The following FOXD4L1 variants were observed in gnomAD, a reference collection of about 807,000 sequenced individuals.
FOXD4L1 encodes the protein forkhead box D4 like 1, also known as forkhead box protein D4-like 1.
In FOXD4L1, 10 loss-of-function variants were observed where a neutral mutation model predicts 24.8. That is an observed-to-expected ratio of 0.40 (90% confidence interval 0.25 to 0.68). The LOEUF (loss-of-function observed/expected upper bound fraction) is 0.68, where lower values mean the gene tolerates loss of function less well. Among genes scored for constraint, FOXD4L1 ranks in the 30% least tolerant of loss-of-function variants. The pLI is 0.37. For synonymous variants in FOXD4L1, 159 were observed against 256.4 expected, an observed-to-expected ratio of 0.62 and a Z score of 3.63; for missense variants, 364 against 572.4, an observed-to-expected ratio of 0.64 and a Z score of 3.72.
At chr2:113,499,150 C>G (rs1682388300) in exon 1 of FOXD4L1, 1 of 1,584,598 alleles carries the variant, frequency 6.3e-7, no homozygotes, top group Non-Finnish European at 8.6e-7. Flanking sequence ...AGGGTAACCA[C>G]TAGCGTTCCT....
chr2:113,499,496 C>A, exon 1 of FOXD4L1: 1 of 1,595,542 alleles, frequency 6.3e-7, no homozygotes, highest in East Asian at 2.4e-5. Context: ...GCGGCCCGAG[C>A]GACCCCTCAG....
Position 113,500,375 on chromosome 2 carries a change from A to G in FOXD4L1, c.1119A>G (p.Gly373=), listed in dbSNP as rs746917408. The change falls in exon 1 of 1, where the codon GGA becomes GGG. Residue 373 remains glycine (G), a synonymous_variant. Coordinates refer to ENST00000306507, the Ensembl canonical transcript of FOXD4L1. ...TTGCAGCAACAGCAGCAGCATCAGG[A>G]GGAGGACTGCGCCAACGGCTGCGCT... 3.3e-6 allele frequency: 5 copies of G among 1,519,562 alleles called. No homozygotes were observed. In the South Asian group the frequency reaches 3.5e-5, roughly 11 times the overall value. The allele number at this position is 1,519,562 out of a possible 1,614,324, so 94.1% of individuals were successfully genotyped here. A position where few individuals can be genotyped will look rare whatever the true frequency, so the allele number is the denominator to read the frequency against.
chr2:113,500,536 T>C lies in FOXD4L1; in HGVS notation c.*53T>C. ...CGGAGAGGGGACCTCACCAGTTTTT[T>C]TAGTATCGCCCACGCCCAGTTCCCT... On this transcript the variant is annotated 3_prime_UTR_variant, in exon 1 of 1. Transcript: ENST00000306507. The C allele has an allele frequency of 1.3e-5, 19 of 1,508,462 alleles. 3 individuals are homozygous for C. The highest frequency in any genetic ancestry group is 1.6e-5 in the Non-Finnish European group (18 of 1,120,256). The allele number at this position is 1,508,462 out of a possible 1,614,324, so 93.4% of individuals were successfully genotyped here.
chr2:113,498,782 G>A lies in FOXD4L1; in HGVS notation c.-475G>A, dbSNP rs1213895468. The A allele has an allele frequency of 3.8e-6, 1 of 262,460 alleles. No homozygotes were observed. Among genetic ancestry groups the A allele is most frequent in the African/African-American group, 2.3e-5 (1 of 44,274 alleles). 16.3% of individuals were successfully genotyped at this position (262,460 alleles called of 1,614,324 possible). A position where few individuals can be genotyped will look rare whatever the true frequency, so the allele number is the denominator to read the frequency against. ...CATGTCGAGATGGTCGTAGAATGTT[G>A]AGTATCCTACTTTCCTACCTCGCTT... On this transcript the variant is annotated 5_prime_UTR_variant, in exon 1 of 1. The change abolishes the stop of an existing upstream ORF in the 5' untranslated region. Transcript: ENST00000306507.
exon 1 of FOXD4L1, chr2:113,500,972 C>A (rs1475955912): frequency 1.4e-5 from 3 of 217,792 alleles, no homozygotes; most frequent in Admixed American, 6.0e-5. Context: ...ATTCCTAAGT[C>A]TAGTGCAAAA....
chr2:113,499,612 C>G, exon 1 of FOXD4L1: 1 of 1,612,054 alleles, frequency 6.2e-7, no homozygotes. Context: ...ATCACCATGG[C>G]CATCCTGCAA....
At chr2:113,500,101 A>G in exon 1 of FOXD4L1, 1 of 1,571,050 alleles carries the variant, frequency 6.4e-7, no homozygotes, top group Non-Finnish European at 8.6e-7. Flanking sequence ...GGGGCACCGA[A>G]GAAAGCAGAA....
At position 113,499,566 on chromosome 2, in the gene FOXD4L1, C is replaced by T. The variant is rs1682398896; in HGVS notation, c.310C>T (p.Gln104Ter). The change falls in exon 1 of 1, where the codon CAG becomes TAG. Residue 104 changes from glutamine (Q) to a stop codon, truncating the protein, a stop_gained. Transcript: ENST00000306507. LOFTEE classifies it high-confidence loss of function. ...TGCGGCGGCCTCTGAAGATGCCCGG[C>T]AGCCGGCAAAGCCCCCCTACTCGTA... The T allele has an allele frequency of 6.2e-7, 1 of 1,609,172 alleles. No individual in the cohort carries two copies. Among genetic ancestry groups the T allele is most frequent in the South Asian group, 1.1e-5 (1 of 90,774 alleles).
At chr2:113,499,766 C>T (rs1255972610) in exon 1 of FOXD4L1, 3 of 1,546,452 alleles carry the variant, frequency 1.9e-6, no homozygotes, top group Non-Finnish European at 2.6e-6. Context: ...AGATCCCCCG[C>T]GAGCCGGGCC....
chr2:113,500,754 G>T, exon 1 of FOXD4L1: 1 of 841,640 alleles, frequency 1.2e-6, no homozygotes, highest in Non-Finnish European at 1.7e-6. Flanking sequence ...CCACCTGAAC[G>T]TAACCTTCGC....
chr2:113,500,857 G>A (rs1457021535), exon 1 of FOXD4L1: 3 of 444,036 alleles, frequency 6.8e-6, no homozygotes, highest in Admixed American at 4.8e-5. Context: ...CGTGAGTGGG[G>A]TATTTTGTTC....
exon 1 of FOXD4L1, chr2:113,499,583 C>T (rs1682399442): frequency 6.2e-7 from 1 of 1,610,282 alleles, no homozygotes; most frequent in Non-Finnish European, 8.5e-7. Flanking sequence ...CAAAGCCCCC[C>T]TACTCGTACA....
rs140577962 is a variant in FOXD4L1 at position 113,500,189 on chromosome 2, G to A, written c.933G>A (p.Lys311=). Residue 311 remains lysine, a synonymous_variant, in exon 1 of 1, where the codon AAG becomes AAA. Coordinates refer to ENST00000306507, the Ensembl canonical transcript of FOXD4L1. ...GTCCTCAGCCTTGGGAGGAGGGCAA[G>A]GGTCTGGCGTCGCCACCGGGAGGCG... The A allele has an allele frequency of 1.8e-3, 2,721 of 1,551,996 alleles. 300 individuals are homozygous for A. Among genetic ancestry groups the A allele is most frequent in the Non-Finnish European group, 2.2e-3 (2,509 of 1,152,044 alleles).
In FOXD4L1 at chr2:113,499,735, C is replaced by A. The variant is rs1440807198; in HGVS notation, c.479C>A (p.Ser160Ter). ...CAGAACAGCATCCGCCACAACCTCT[C>A]GCTGAACGACTGCTTCGTCAAGATC... The change falls in exon 1 of 1, where the codon TCG becomes TAG. Residue 160 changes from serine to a stop codon, truncating the protein, a stop_gained. Transcript: ENST00000306507. LOFTEE classifies it high-confidence loss of function. 2 of 1,605,828 alleles carry A rather than the reference C, an allele frequency of 1.2e-6. No individual in the cohort carries two copies. The highest frequency in any genetic ancestry group is 1.7e-5 in the Admixed American group (1 of 58,608).
chr2:113,499,257 A>G (rs761341404), exon 1 of FOXD4L1: 12 of 1,611,472 alleles, frequency 7.4e-6, no homozygotes, highest in Non-Finnish European at 1.0e-5. Context: ...CTGCTCCGCC[A>G]TGAACCTGCC....
rs1682426194 is a variant in FOXD4L1 at position 113,500,593 on chromosome 2, G to A, written c.*110G>A. 3.3e-5 allele frequency: 49 copies of A among 1,474,042 alleles called. 8 individuals are homozygous for A. The highest frequency in any genetic ancestry group is 4.4e-5 in the Non-Finnish European group (49 of 1,103,770). The allele number at this position is 1,474,042 out of a possible 1,614,324, so 91.3% of individuals were successfully genotyped here. ...GTCCGCAGGGCCCTCCTAGAGCCAG[G>A]TGGGAGTGGGGAGCGATCCGCAGCT... On this transcript the variant is annotated 3_prime_UTR_variant, in exon 1 of 1. Coordinates refer to ENST00000306507, the Ensembl canonical transcript of FOXD4L1.
At chr2:113,500,134 G>C (rs971408667) in exon 1 of FOXD4L1, 4 of 1,514,870 alleles carry the variant, frequency 2.6e-6, no homozygotes, top group Non-Finnish European at 2.7e-6. Context: ...GCGACCCCCG[G>C]CACCCTTCCC....
At chr2:113,499,174 T>C (rs1324774316) in exon 1 of FOXD4L1, 11 of 1,610,454 alleles carry the variant, frequency 6.8e-6, no homozygotes, top group Non-Finnish European at 9.3e-6. Flanking sequence ...TCTTGCAACA[T>C]TCATCCCAGG....
exon 1 of FOXD4L1, chr2:113,498,817 C>T (rs1342198216): frequency 3.5e-6 from 1 of 285,536 alleles, no homozygotes; most frequent in African/African-American, 2.2e-5. Flanking sequence ...TTTATTTGCG[C>T]GGGTTTAAAT....
Sources: allele counts gnomAD v4.1 joint callset, GRCh38; gene constraint gnomAD v4.1.1; transcripts MANE v1.5; gene names NCBI Gene and HGNC (gene_info 2026-07-23, HGNC 2026-07-21).